FRYL: variants seen among roughly 807,000 people sequenced by gnomAD.
The protein encoded by FRYL is protein furry homolog-like.
In FRYL, 150 loss-of-function variants were observed where a neutral mutation model predicts 351.2. The observed-to-expected ratio is 0.43, with a 90% CI of 0.37 to 0.49. The LOEUF is 0.49. Ranked by LOEUF, FRYL falls within the 20% of genes least tolerant of loss-of-function variation. FRYL has a pLI of 0.00. For missense variants in FRYL, 3,036 were observed against 3,619.3 expected (o/e 0.84, Z 4.13); for synonymous variants, 1,153 against 1,257.1 (o/e 0.92, Z 1.75).
At chr4:48,736,849 C>CA (rs1560334018) in intron 1 of FRYL, among the ~76,000 whole-genome samples, 1 of 28,110 alleles carries the variant, frequency 3.6e-5, no homozygotes, top group Non-Finnish European at 8.5e-5. Flanking sequence ...GACTCTGTCT[C>CA]GAAAAAAAAA....
intron 13 of FRYL, chr4:48,598,883 G>C: frequency 1.0e-6 from 1 of 982,706 alleles, no homozygotes; most frequent in African/African-American, 1.7e-5. Context: ...TCTAAATAAA[G>C]CAATGTGAGA....
In FRYL at chr4:48,574,490, C is replaced by T. The variant is rs538098042; in HGVS notation, c.2846+627G>A. The T allele has an allele frequency of 2.4e-4, 36 of 152,098 alleles. No homozygotes were observed. The South Asian group carries it at 7.3e-3, about 31-fold the overall frequency. The allele number at this position is 152,098 out of a possible 1,614,324, so 9.4% of individuals were successfully genotyped here. ...CTCTATGGAAATCTTTAGCAAAAGG[C>T]AAAAGATTTATACAATCTGAAGCGA... On this transcript the variant is annotated intron_variant, in intron 25 of 63. Transcript: ENST00000358350.
chr4:48,512,647 G>A lies in FRYL; in HGVS notation c.7979C>T (p.Thr2660Met), dbSNP rs372544952. The A allele has an allele frequency of 5.1e-5, 82 of 1,613,806 alleles. No individual in the cohort carries two copies. In the Admixed American group the frequency reaches 1.1e-3, roughly 22 times the overall value. ...AAGAAATGGTGACGGCAGAGGCGAC[G>A]TCTGTACTTCTGGAAAACCATCTTG... ...EEQDGFPEVQ[T>M]SPLPSPFLSA... Residue 2660 changes from threonine to methionine, a missense_variant, in exon 57 of 64, where the codon ACG (threonine) becomes ATG (methionine). Coordinates refer to ENST00000358350, the MANE Select transcript of FRYL (RefSeq NM_015030.2).
At chr4:48,624,677 A>T (rs1175589674) in intron 4 of FRYL, among the ~76,000 whole-genome samples, 6 of 152,252 alleles carry the variant, frequency 3.9e-5, no homozygotes, top group African/African-American at 1.4e-4. Context: ...TTAACTTTAC[A>T]TGTCAACTGG....
rs754466207 is a variant in FRYL, at chr4:48,534,677, C to T, written c.6573G>A (p.Glu2191=). 4.4e-5 allele frequency: 67 copies of T among 1,530,524 alleles called. No homozygotes were observed. The highest frequency in any genetic ancestry group is 5.8e-5 in the Non-Finnish European group (65 of 1,116,636). 94.8% of individuals were successfully genotyped at this position (1,530,524 alleles called of 1,614,324 possible). The change falls in exon 49 of 64, where the codon GAG becomes GAA. Residue 2191 remains glutamate, a synonymous_variant. Transcript: ENST00000358350. ...NLVTYLAELL[E]KGLSSMQQSL... is the part of the protein sequence containing the mutation. Reference sequence around the variant, plus strand: ...ATTGCTGCATACTGGACAATCCTTTCTCTAACAGCTAAAAATAATGTTAAA... The same window carrying T: ...ATTGCTGCATACTGGACAATCCTTTTTCTAACAGCTAAAAATAATGTTAAA...
chr4:48,699,780 T>C (rs554322251), intron 2 of FRYL, among the ~76,000 whole-genome samples: 2 of 131,548 alleles, frequency 1.5e-5, no homozygotes, highest in East Asian at 2.4e-4. Context: ...TTTGAGAGAA[T>C]ATTTGGCCCC....
intron 1 of FRYL, among the ~76,000 whole-genome samples, chr4:48,744,455 C>T (rs530509110): frequency 6.6e-6 from 1 of 152,296 alleles, no homozygotes; most frequent in East Asian, 1.9e-4. Context: ...AATATTTACT[C>T]TTTCAAAGTC....
In FRYL at chr4:48,573,206, C is replaced by T. The variant is rs753018883; in HGVS notation, c.2884G>A (p.Ala962Thr). 7 of 1,612,608 alleles carry T rather than the reference C, an allele frequency of 4.3e-6. No individual in the cohort carries two copies. The highest frequency in any genetic ancestry group is 4.5e-5 in the East Asian group (2 of 44,836). The change falls in exon 26 of 64, where the codon GCA (alanine) becomes ACA (threonine). Residue 962 changes from alanine to threonine, a missense_variant. By Grantham distance (58) the Ala-to-Thr change is moderately conservative. Around this residue, in one of 7 missense-constraint regions of FRYL, gnomAD observed 492 missense variants for 551.5 expected, o/e 0.89. Transcript: ENST00000358350. ...CTCACCTCTGGCCTTCTTTCGAGTG[C>T]TTCTTTAATTATGGGATGTAATTCC... The part of the protein sequence containing the change: ...IEELHPIIKE[A>T]LERRPENMKR...
At chr4:48,609,561 G>T (rs964001497) in intron 8 of FRYL, among the ~76,000 whole-genome samples, 183 bp downstream of exon 8, 1 of 151,870 alleles carries the variant, frequency 6.6e-6, no homozygotes, top group Non-Finnish European at 1.5e-5. Context: ...GGTCAAGGCT[G>T]CAGTGAGCCA....
chr4:48,542,192 G>T, intron 44 of FRYL, 71 bp from the exon 45 acceptor site: 1 of 1,033,548 alleles, frequency 9.7e-7, no homozygotes, highest in South Asian at 1.3e-5. Flanking sequence ...CTTCCTAATG[G>T]GATTTTAAAA....
chr4:48,538,305 T>A (rs935770254), intron 47 of FRYL, among the ~76,000 whole-genome samples: 2 of 15,050 alleles, frequency 1.3e-4, no homozygotes, highest in African/African-American at 2.5e-4. Context: ...TCTTTTAAAA[T>A]ACATGCTTTT....
intron 43 of FRYL, 44 bp from the exon 44 acceptor site, chr4:48,544,041 A>T: frequency 5.3e-6 from 8 of 1,523,188 alleles, no homozygotes; most frequent in Non-Finnish European, 6.3e-6. Context: ...TGTTCTTTAG[A>T]ATACTAATGG....
chr4:48,766,387 A>G (rs905312290), intron 1 of FRYL, among the ~76,000 whole-genome samples: 25 of 152,206 alleles, frequency 1.6e-4, no homozygotes, highest in African/African-American at 5.5e-4. Context: ...GTCAGATTCC[A>G]GGCCCCAGGA....
At chr4:48,614,432 T>C (rs1476705890) in intron 7 of FRYL, among the ~76,000 whole-genome samples, 1 of 152,106 alleles carries the variant, frequency 6.6e-6, no homozygotes, top group East Asian at 1.9e-4. Context: ...GTAGAAACTA[T>C]AGTAACTGGC....
intron 2 of FRYL, among the ~76,000 whole-genome samples, chr4:48,706,726 A>C (rs1767400594): frequency 6.6e-6 from 1 of 152,158 alleles, no homozygotes; most frequent in Non-Finnish European, 1.5e-5. Flanking sequence ...AAGTTACAGA[A>C]AGAGCTTGGT....
chr4:48,550,466 C>T, intron 38 of FRYL, 126 bp downstream of exon 38: 1 of 640,734 alleles, frequency 1.6e-6, no homozygotes, highest in Non-Finnish European at 2.7e-6. Flanking sequence ...TGTTGGAACA[C>T]CACTAGTGGC....
At chr4:48,504,593 A>G (rs1482539944) in intron 60 of FRYL, among the ~76,000 whole-genome samples, 1 of 152,124 alleles carries the variant, frequency 6.6e-6, no homozygotes, top group Non-Finnish European at 1.5e-5. Context: ...TCTTTTTAAC[A>G]TTAGTGCAGG....
chr4:48,689,845 CTTA>C (rs943676968), intron 2 of FRYL, among the ~76,000 whole-genome samples: 1 of 151,210 alleles, frequency 6.6e-6, no homozygotes, highest in African/African-American at 2.4e-5. Context: ...CCTCCTTATA[CTTA>C]TTTTCTATGC....
intron 1 of FRYL, among the ~76,000 whole-genome samples, chr4:48,761,831 G>A (rs1774450343): frequency 6.6e-6 from 1 of 152,146 alleles, no homozygotes; most frequent in Non-Finnish European, 1.5e-5. Context: ...TACCATCTTG[G>A]TTTTGAGTAA....
Sources: gnomAD v4.1 joint callset for allele counts (sites outside exome capture counted in the v4.1 genomes callset) on GRCh38, gnomAD v4.1.1 for gene constraint, gnomAD v4.1.1 regional missense constraint, MANE v1.5 for transcripts, NCBI Gene and HGNC (gene_info 2026-07-23, HGNC 2026-07-21) for gene names.